The following FAM174A variants were observed in gnomAD, a reference collection of about 807,000 sequenced individuals.
The protein encoded by FAM174A is family with sequence similarity 174 member A, also known as membrane protein FAM174A.
A neutral mutation model predicts 14.3 loss-of-function variants in FAM174A; 14 were observed. That is an observed-to-expected ratio of 0.98 (90% CI 0.65 to 1.53). FAM174A has a LOEUF of 1.53. Ranked by LOEUF, FAM174A falls within the 40% of genes most tolerant of loss-of-function variation. FAM174A has a pLI of 0.00. For missense variants in FAM174A, 241 were observed against 249.6 expected, an observed-to-expected ratio of 0.97 and a Z score of 0.23; for synonymous variants, 108 against 111.4, an observed-to-expected ratio of 0.97 and a Z score of 0.19.
chr5:100,580,291 A>G (rs903296279), intron 2 of FAM174A, among the ~76,000 whole-genome samples: 2 of 152,204 alleles, frequency 1.3e-5, no homozygotes, highest in South Asian at 4.1e-4. Flanking sequence ...ACTCTGAAAT[A>G]TAGTACCGTT....
chr5:100,543,990 C>T (rs1746116396), intron 1 of FAM174A, among the ~76,000 whole-genome samples: 1 of 152,158 alleles, frequency 6.6e-6, no homozygotes, highest in African/African-American at 2.4e-5. Flanking sequence ...TTCTTTTCTA[C>T]ACTGTTTGCT....
At chr5:100,554,848 A>G (rs1561315971) in intron 1 of FAM174A, among the ~76,000 whole-genome samples, 1 of 152,134 alleles carries the variant, frequency 6.6e-6, no homozygotes, top group Non-Finnish European at 1.5e-5. Flanking sequence ...GAAAATTTAA[A>G]TGAATATGTC....
In FAM174A at chr5:100,535,728, G is replaced by A. The variant is rs1051443550; in HGVS notation, c.198G>A (p.Pro66=). ...LPPGPTPAQQ[P]GRGLAEAAGP... is the part of the protein sequence containing the mutation. The stretch of plus-strand genomic sequence containing the variant: ...CGGGCCCTACCCCTGCCCAGCAGCC[G>A]GGCCGTGGTCTGGCTGAAGCTGCGG... The change falls in exon 1 of 3, where the codon CCG becomes CCA. Residue 66 remains proline, a synonymous_variant. Transcript: ENST00000312637. 2.5e-6 allele frequency: 4 copies of A among 1,604,806 alleles called. No individual in the cohort carries two copies. Among genetic ancestry groups the A allele is most frequent in the Admixed American group, 1.7e-5 (1 of 59,546 alleles).
intron 2 of FAM174A, among the ~76,000 whole-genome samples, chr5:100,571,040 T>C (rs1746767361): frequency 6.6e-6 from 1 of 151,884 alleles, no homozygotes; most frequent in Non-Finnish European, 1.5e-5. Context: ...AAATCCTTCT[T>C]TGTCATGGTA....
chr5:100,566,803 T>C (rs890934212), intron 2 of FAM174A, among the ~76,000 whole-genome samples: 1 of 151,930 alleles, frequency 6.6e-6, no homozygotes, highest in Non-Finnish European at 1.5e-5. Context: ...TTGTAATCTA[T>C]GCTAATCATC....
chr5:100,580,752 T>C (rs1054518720), intron 2 of FAM174A, among the ~76,000 whole-genome samples: 3 of 152,162 alleles, frequency 2.0e-5, no homozygotes, highest in African/African-American at 7.2e-5. Context: ...CCATCACACT[T>C]GCAGTCTTCT....
At chr5:100,576,392 CAT>C in intron 2 of FAM174A, among the ~76,000 whole-genome samples, 1 of 152,260 alleles carries the variant, frequency 6.6e-6, no homozygotes, top group South Asian at 2.1e-4. Context: ...ATAAGAGGAT[CAT>C]ACTAGCAGTT....
At position 100,535,801 on chromosome 5, in the gene FAM174A, C is replaced by T; in HGVS notation, c.271C>T (p.Leu91Phe). Residue 91 changes from leucine (L) to phenylalanine (F), a missense_variant, in exon 1 of 3, where the codon CTT becomes TTT. Transcript: ENST00000312637. ...CAATGGCAGCAACCCTGTGGCCGGGCTTGAGACGGACGATCACGGAGGGAA... is the reference window on the plus strand; with the variant it reads ...CAATGGCAGCAACCCTGTGGCCGGGTTTGAGACGGACGATCACGGAGGGAA... ...GGNGSNPVAG[L>F]ETDDHGGKAG... 5.6e-6 allele frequency: 9 copies of T among 1,609,068 alleles called. No homozygotes were observed. The highest frequency in any genetic ancestry group is 7.6e-6 in the Non-Finnish European group (9 of 1,179,546).
rs1413570401 is a variant in FAM174A at position 100,535,457 on chromosome 5, C to T, written c.-74C>T. On this transcript the variant is annotated 5_prime_UTR_variant, in exon 1 of 3. Coordinates refer to ENST00000312637, the MANE Select transcript of FAM174A (RefSeq NM_198507.3). ...GTCACCTCTGCTTCATTCTCCACCG[C>T]GCCTATGGTCCCTCTTGGAGCCAGC... 4 of 1,524,466 alleles carry T rather than the reference C, an allele frequency of 2.6e-6. No homozygotes were observed. Among genetic ancestry groups the T allele is most frequent in the Non-Finnish European group, 3.6e-6 (4 of 1,112,956 alleles). 94.4% of individuals were successfully genotyped at this position (1,524,466 alleles called of 1,614,324 possible).
At chr5:100,537,721 G>T (rs1039134472) in intron 1 of FAM174A, among the ~76,000 whole-genome samples, 3 of 152,170 alleles carry the variant, frequency 2.0e-5, no homozygotes, top group Admixed American at 6.5e-5. Context: ...AAGATTAAAA[G>T]AATATTGAAA....
chr5:100,557,021 A>C (rs906064341), intron 1 of FAM174A, among the ~76,000 whole-genome samples: 74 of 152,296 alleles, frequency 4.9e-4, no homozygotes, highest in Non-Finnish European at 9.1e-4. Flanking sequence ...GTCTTGTGCC[A>C]GTTTTCAAAG....
In FAM174A at chr5:100,535,443, T is replaced by C. The variant is rs989331847; in HGVS notation, c.-88T>C. ...CTCCCTGGCGTTTGGTCACCTCTGC[T>C]TCATTCTCCACCGCGCCTATGGTCC... On this transcript the variant is annotated 5_prime_UTR_variant, in exon 1 of 3. Coordinates refer to ENST00000312637, the MANE Select transcript of FAM174A (RefSeq NM_198507.3). 10 of 1,470,752 alleles carry C rather than the reference T, an allele frequency of 6.8e-6. No homozygotes were observed. In the African/African-American group the frequency reaches 1.2e-4, roughly 18 times the overall value. 91.1% of individuals were successfully genotyped at this position (1,470,752 alleles called of 1,614,324 possible).
At chr5:100,572,232 TC>T (rs1270867444) in intron 2 of FAM174A, among the ~76,000 whole-genome samples, 1 of 146,724 alleles carries the variant, frequency 6.8e-6, no homozygotes, top group African/African-American at 2.7e-5. Flanking sequence ...TTATGTAATA[TC>T]TTTTTTTTTT....
chr5:100,562,865 A>G (rs1746557055), intron 2 of FAM174A, among the ~76,000 whole-genome samples: 1 of 151,820 alleles, frequency 6.6e-6, no homozygotes, highest in Admixed American at 6.6e-5. Flanking sequence ...AATAAATGCC[A>G]ATGTAAATAG....
chr5:100,550,647 GT>G, intron 1 of FAM174A, among the ~76,000 whole-genome samples: 1 of 152,136 alleles, frequency 6.6e-6, no homozygotes, highest in South Asian at 2.1e-4. Flanking sequence ...AAGTATACAA[GT>G]GAACTTTTCA....
chr5:100,576,498 T>G (rs1746909444), intron 2 of FAM174A, among the ~76,000 whole-genome samples: 1 of 152,182 alleles, frequency 6.6e-6, no homozygotes, highest in Non-Finnish European at 1.5e-5. Context: ...TTCCCTAAAG[T>G]CCTCCAACAC....
chr5:100,542,182 T>G (rs1746069457), intron 1 of FAM174A, among the ~76,000 whole-genome samples: 1 of 152,334 alleles, frequency 6.6e-6, no homozygotes, highest in Non-Finnish European at 1.5e-5. Flanking sequence ...CAAAATTCAT[T>G]TCCTTAATGG....
Position 100,569,837 on chromosome 5 carries a change from G to GAT in FAM174A, c.569+7664_569+7665dup, listed in dbSNP as rs142060577. On this transcript the variant is annotated intron_variant, in intron 2 of 2. Transcript: ENST00000312637. ...ATATATACACATACATATATATGGA[G>GAT]ATATATATATATATATCTCCACAGT... is the stretch of plus-strand genomic sequence containing the variant. Among the ~76,000 whole-genome samples, 1,289 of 149,228 alleles carry GAT rather than the reference G, an allele frequency of 8.6e-3. 18 individuals are homozygous for GAT. Among genetic ancestry groups the GAT allele is most frequent in the African/African-American group, 0.027 (1,100 of 40,828 alleles).
chr5:100,537,142 A>G (rs1256681131), intron 1 of FAM174A, among the ~76,000 whole-genome samples: 4 of 152,226 alleles, frequency 2.6e-5, no homozygotes, highest in South Asian at 4.1e-4. Context: ...GGCTATTAAA[A>G]TGTTTCTTTC....
Sources: allele counts gnomAD v4.1 joint callset (sites outside exome capture counted in the v4.1 genomes callset), GRCh38; gene constraint gnomAD v4.1.1; transcripts MANE v1.5; gene names NCBI Gene and HGNC (gene_info 2026-07-23, HGNC 2026-07-21).